PIP5KL1: variants seen among roughly 807,000 people sequenced by gnomAD.
PIP5KL1 encodes phosphatidylinositol 4-phosphate 5-kinase-like protein 1.
Under a neutral mutation model 47.6 loss-of-function variants are expected in PIP5KL1, and 45 were observed. That is an observed-to-expected ratio of 0.94 (90% confidence interval 0.74 to 1.21). The LOEUF (loss-of-function observed/expected upper bound fraction) is 1.21. PIP5KL1 is among the 50% of genes most tolerant of loss of function. The pLI is 0.00. For missense variants in PIP5KL1, 577 were observed against 547.6 expected (o/e 1.05, Z -0.54); for synonymous variants, 256 against 234.6 (o/e 1.09, Z -0.84).
intron 2 of PIP5KL1, 86 bp from the exon 3 acceptor site, chr9:127,928,569 G>C: frequency 5.3e-6 from 7 of 1,319,222 alleles, no homozygotes; most frequent in Non-Finnish European, 7.1e-6. Context: ...CACCTGGCCC[G>C]TCCCCCACCT....
In PIP5KL1 at chr9:127,929,993, T is replaced by C; in HGVS notation, c.31-108A>G. The C allele has an allele frequency of 1.9e-6, 2 of 1,059,982 alleles. No homozygotes were observed. Among genetic ancestry groups the C allele is most frequent in the South Asian group, 1.7e-5 (1 of 57,966 alleles). The allele number at this position is 1,059,982 out of a possible 1,614,324, so 65.7% of individuals were successfully genotyped here. On this transcript the variant is annotated intron_variant, in intron 1 of 9. Transcript: ENST00000388747. The surrounding 1 kb of genome is among the most constrained non-coding windows in gnomAD (Gnocchi z 4.0). ...TGTGAGACTTCCCCTCATCTCTCTCTGCCTCAATTTCTTCAGCTGTAAAAT... is the reference window on the plus strand; with the variant it reads ...TGTGAGACTTCCCCTCATCTCTCTCCGCCTCAATTTCTTCAGCTGTAAAAT...
At position 127,925,122 on chromosome 9, in the gene PIP5KL1, A is replaced by G; in HGVS notation, c.902T>C (p.Ile301Thr). The change falls in exon 9 of 10, where the codon ATC (isoleucine) becomes ACC (threonine). Residue 301 changes from isoleucine (I) to threonine (T), a missense_variant. Physicochemically the swap from Ile to Thr is moderately conservative, Grantham distance 89 (BLOSUM62 -1). Transcript: ENST00000388747. ...EDERGPGSSL[I>T]FRTARSVQGA... is the part of the protein sequence containing the mutation. The stretch of plus-strand genomic sequence containing the variant: ...GGAGGCTCACCTGGCCGTGCGGAAG[A>G]TGAGGCTGCTGCCCGGGCCCCTCTC... 6.2e-7 allele frequency: 1 copy of G among 1,613,976 alleles called. No individual in the cohort carries two copies. The highest frequency in any genetic ancestry group is 1.7e-4 in the Middle Eastern group (1 of 6,056).
In PIP5KL1 at chr9:127,924,003, C is replaced by T. The variant is rs918400203; in HGVS notation, c.917+1104G>A. 6.6e-5 allele frequency among the ~76,000 whole-genome samples: 10 copies of T among 152,296 alleles called. No individual in the cohort carries two copies. The South Asian group carries it at 1.2e-3, about 19-fold the overall frequency. On this transcript the variant is annotated intron_variant, in intron 9 of 9. Coordinates refer to ENST00000388747, the MANE Select transcript of PIP5KL1 (RefSeq NM_001135219.2). ...CACTACTGAGATGAAGACAGGAAGA[C>T]GGTGCCAATGATGATGACGTCAGCG...
rs77276371 is a variant in PIP5KL1 at position 127,925,986 on chromosome 9, G to A, written c.651-7C>T. On this transcript the variant is annotated splice_region_variant and splice_polypyrimidine_tract_variant and intron_variant, in intron 7 of 9. Transcript: ENST00000388747. ...GCAGCCTTTGATGTCATACCTGGGT[G>A]GGGGGACAGAATTCAGCTTTACATA... is the stretch of plus-strand genomic sequence containing the variant. 3,000 of 1,599,908 alleles carry A rather than the reference G, an allele frequency of 1.9e-3. 45 individuals carry two copies. In the African/African-American group the frequency reaches 0.033, roughly 18 times the overall value.
chr9:127,923,293 C>T (rs1372816978), intron 9 of PIP5KL1, among the ~76,000 whole-genome samples: 3 of 152,126 alleles, frequency 2.0e-5, no homozygotes, highest in African/African-American at 7.2e-5. Flanking sequence ...GCTGGCCAAT[C>T]AGAGCTCAGT....
rs1456945160 is a variant in PIP5KL1, at chr9:127,927,529, AC to A, written c.559+118del. 1.1e-4 allele frequency: 59 copies of A among 518,218 alleles called. No individual in the cohort carries two copies. Among genetic ancestry groups the A allele is most frequent in the Non-Finnish European group, 1.3e-4 (57 of 446,684 alleles). 32.1% of individuals were successfully genotyped at this position (518,218 alleles called of 1,614,324 possible). A position where few individuals can be genotyped will look rare whatever the true frequency, so the allele number is the denominator to read the frequency against. On this transcript the variant is annotated intron_variant, in intron 5 of 9. Coordinates refer to ENST00000388747, the MANE Select transcript of PIP5KL1 (RefSeq NM_001135219.2). This position sits in a 1 kb window ranked among gnomAD's most constrained non-coding sequence, Gnocchi z 5.5. Reference sequence around the variant, plus strand: ...GTGCCCCGCCCCCACGTATGGCCCCACCCCCATGCCCTACAACCCCAAATCC... The same window carrying A: ...GTGCCCCGCCCCCACGTATGGCCCCACCCCATGCCCTACAACCCCAAATCC...
chr9:127,923,427 A>T (rs370011497), intron 9 of PIP5KL1, among the ~76,000 whole-genome samples: 1 of 152,270 alleles, frequency 6.6e-6, no homozygotes, highest in Non-Finnish European at 1.5e-5. Context: ...GACAGCCAAC[A>T]TGAAAATATT....
intron 4 of PIP5KL1, 29 bp downstream of exon 4, chr9:127,928,035 AC>A (rs1249460300): frequency 3.2e-6 from 3 of 941,720 alleles, no homozygotes; most frequent in East Asian, 7.2e-5. Flanking sequence ...TACCACTCCC[AC>A]CCCTGCCCCA....
At chr9:127,925,298 A>C (rs751280554) in intron 8 of PIP5KL1, 38 bp from the exon 9 acceptor site, 1 of 1,603,064 alleles carries the variant, frequency 6.2e-7, no homozygotes, top group East Asian at 2.2e-5. Flanking sequence ...AGCGCTCATC[A>C]TGTGCCAGCC....
intron 9 of PIP5KL1, among the ~76,000 whole-genome samples, chr9:127,922,997 C>T (rs996600709): frequency 2.0e-5 from 3 of 152,198 alleles, no homozygotes; most frequent in Non-Finnish European, 2.9e-5. Flanking sequence ...TCAGGTAAGT[C>T]TATTTCCTAA....
chr9:127,924,490 CAA>C (rs544298136), intron 9 of PIP5KL1, among the ~76,000 whole-genome samples: 2,295 of 106,684 alleles, frequency 0.022, 64 homozygotes, highest in African/African-American at 0.075. Context: ...GACTCCATCT[CAA>C]AAAAAAAAAA....
Position 127,929,911 on chromosome 9 carries a change from G to T in PIP5KL1, c.31-26C>A. ...CTGGTGGGAGGAGGCACAGGACACA[G>T]CCTGTGGCAGCGTCACAGAGGAAAA... On this transcript the variant is annotated intron_variant, in intron 1 of 9. Coordinates refer to ENST00000388747, the MANE Select transcript of PIP5KL1 (RefSeq NM_001135219.2). This position sits in a 1 kb window ranked among gnomAD's most constrained non-coding sequence, Gnocchi z 4.0. The T allele has an allele frequency of 6.8e-7, 1 of 1,471,914 alleles. No homozygotes were observed. The allele number at this position is 1,471,914 out of a possible 1,614,324, so 91.2% of individuals were successfully genotyped here. A position where few individuals can be genotyped will look rare whatever the true frequency, so the allele number is the denominator to read the frequency against.
rs756705577 is a variant in PIP5KL1, at chr9:127,929,449, C to A, written c.228+239G>T. ...ATTATACAGATGGGGACACTGAGGC[C>A]CAGAGAGAGGCAGAGACCCACCTAG... is the stretch of plus-strand genomic sequence containing the variant. On this transcript the variant is annotated intron_variant, in intron 2 of 9. Coordinates refer to ENST00000388747, the MANE Select transcript of PIP5KL1 (RefSeq NM_001135219.2). The surrounding 1 kb of genome is among the most constrained non-coding windows in gnomAD (Gnocchi z 4.0). 3.3e-5 allele frequency among the ~76,000 whole-genome samples: 5 copies of A among 151,952 alleles called. No individual in the cohort carries two copies. The highest frequency in any genetic ancestry group is 6.6e-5 in the Admixed American group (1 of 15,260).
chr9:127,922,924 G>C (rs896789394), intron 9 of PIP5KL1, among the ~76,000 whole-genome samples: 3 of 152,088 alleles, frequency 2.0e-5, no homozygotes, highest in African/African-American at 7.2e-5. Context: ...CTACTGGGTA[G>C]CACTGGTCTA....
Position 127,921,945 on chromosome 9 carries a change from A to C in PIP5KL1, c.1087T>G (p.Trp363Gly). ...CGGCCTGGGTAGCGCAGTGTCTTCCACAGGTGCTCCAGCCGCTTGCGGAGC... is the reference window on the plus strand; with the variant it reads ...CGGCCTGGGTAGCGCAGTGTCTTCCCCAGGTGCTCCAGCCGCTTGCGGAGC... ...YGLRKRLEHLWKTLRYPGRTF... is the reference protein window; with the variant it reads ...YGLRKRLEHLGKTLRYPGRTF... The change falls in exon 10 of 10, where the codon TGG becomes GGG. Residue 363 changes from tryptophan to glycine, a missense_variant. By Grantham distance (184) the Trp-to-Gly change is radical (BLOSUM62 -2). Coordinates refer to ENST00000388747, the MANE Select transcript of PIP5KL1 (RefSeq NM_001135219.2). 6.3e-7 allele frequency: 1 copy of C among 1,578,052 alleles called. No homozygotes were observed. The highest frequency in any genetic ancestry group is 1.2e-5 in the South Asian group (1 of 86,612).
chr9:127,924,095 G>A (rs917017334), intron 9 of PIP5KL1, among the ~76,000 whole-genome samples: 2 of 152,220 alleles, frequency 1.3e-5, no homozygotes, highest in East Asian at 1.9e-4. Flanking sequence ...TAGGCTGGGC[G>A]CGGTGGCTCA....
At chr9:127,922,985 C>G (rs1198364267) in intron 9 of PIP5KL1, among the ~76,000 whole-genome samples, 2 of 152,242 alleles carry the variant, frequency 1.3e-5, no homozygotes, top group Non-Finnish European at 2.9e-5. Flanking sequence ...TGCCACATGA[C>G]TTCAGGTAAG....
intron 9 of PIP5KL1, 136 bp from the exon 10 acceptor site, chr9:127,922,250 C>T: frequency 8.7e-7 from 1 of 1,144,410 alleles, no homozygotes; most frequent in Non-Finnish European, 1.2e-6. Context: ...TTTGTGAAGT[C>T]AGGTAGACTG....
rs1478591533 is a variant in PIP5KL1 at position 127,929,342 on chromosome 9, G to A, written c.228+346C>T. Among the ~76,000 whole-genome samples the A allele has an allele frequency of 3.3e-5, 5 of 152,040 alleles. No homozygotes were observed. The highest frequency in any genetic ancestry group is 7.4e-5 in the Non-Finnish European group (5 of 67,994). ...AGAGAGGATGGGCTAGGCCAGCAGGGTGGGGGTGGGGGTCCCTTTTCAACC... is the reference window on the plus strand; with the variant it reads ...AGAGAGGATGGGCTAGGCCAGCAGGATGGGGGTGGGGGTCCCTTTTCAACC... On this transcript the variant is annotated intron_variant, in intron 2 of 9. Coordinates refer to ENST00000388747, the MANE Select transcript of PIP5KL1 (RefSeq NM_001135219.2). The surrounding 1 kb of genome is among the most constrained non-coding windows in gnomAD (Gnocchi z 4.0).
Sources: gnomAD v4.1 joint callset for allele counts (sites outside exome capture counted in the v4.1 genomes callset) on GRCh38, gnomAD v4.1.1 for gene constraint, Gnocchi (gnomAD v3.1) non-coding constraint, MANE v1.5 for transcripts, NCBI Gene and HGNC (gene_info 2026-07-23, HGNC 2026-07-21) for gene names.